Variants in JADE2 observed in about 807,000 individuals in gnomAD.
The protein encoded by JADE2 is jade family PHD finger 2, also known as E3 ubiquitin-protein ligase Jade-2.
In JADE2, 13 loss-of-function variants were observed where a neutral mutation model predicts 85.7. That is an observed-to-expected ratio of 0.15 (90% CI 0.10 to 0.24). The LOEUF is 0.24. Ranked by LOEUF, JADE2 falls within the 10% of genes least tolerant of loss-of-function variation. The probability of loss-of-function intolerance (pLI) is 1.00; values close to 1 mark genes in which losing one functional copy is unlikely to be tolerated. For synonymous variants in JADE2, 440 were observed against 456.1 expected (o/e 0.96, Z 0.45); for missense variants, 846 against 1,115.9 (o/e 0.76, Z 3.45).
At chr5:134,569,774 G>C (rs1264666374) in intron 9 of JADE2, among the ~76,000 whole-genome samples, 1 of 152,162 alleles carries the variant, frequency 6.6e-6, no homozygotes, top group African/African-American at 2.4e-5. Flanking sequence ...GTGCCTGGAT[G>C]GTGGTCCCTT....
chr5:134,526,334 G>A (rs1038747048), intron 1 of JADE2: 3 of 985,024 alleles, frequency 3.0e-6, no homozygotes, highest in African/African-American at 3.5e-5. Flanking sequence ...AAGCGCCCCC[G>A]GGCCGGCGAG....
intron 3 of JADE2, among the ~76,000 whole-genome samples, chr5:134,539,964 T>C (rs1761870068): frequency 6.6e-6 from 1 of 151,990 alleles, no homozygotes; most frequent in Non-Finnish European, 1.5e-5. Flanking sequence ...CTGACTTCCA[T>C]GGCCCCATGG....
chr5:134,569,433 C>T (rs777787162), intron 9 of JADE2, among the ~76,000 whole-genome samples: 2 of 152,248 alleles, frequency 1.3e-5, no homozygotes, highest in African/African-American at 2.4e-5. Context: ...AAATTTCAGC[C>T]TTGGGCCTCG....
chr5:134,540,336 A>T (rs1761893140), intron 3 of JADE2, among the ~76,000 whole-genome samples: 1 of 150,820 alleles, frequency 6.6e-6, no homozygotes, highest in South Asian at 2.1e-4. Flanking sequence ...CTCCCATCTC[A>T]GCTTCCCGAG....
chr5:134,525,499 G>A (rs1483894761), upstream of JADE2, among the ~76,000 whole-genome samples: 2 of 151,992 alleles, frequency 1.3e-5, no homozygotes, highest in Non-Finnish European at 2.9e-5. Flanking sequence ...CAACTGGGCG[G>A]GGGGTTGGGG....
upstream of JADE2, among the ~76,000 whole-genome samples, chr5:134,525,001 G>C (rs545254175): frequency 1.3e-5 from 2 of 152,124 alleles, no homozygotes; most frequent in East Asian, 3.9e-4. Context: ...TCCAGCGCTG[G>C]AGCCCCGGGG....
At chr5:134,574,003 C>T in intron 10 of JADE2, 1 of 594,818 alleles carries the variant, frequency 1.7e-6, no homozygotes, top group Non-Finnish European at 3.0e-6. Context: ...CAGGCCTGCC[C>T]TCAGGGAGCT....
In JADE2 at chr5:134,562,965, A is replaced by T. The variant is rs1463503414; in HGVS notation, c.852+598A>T. 6.6e-6 allele frequency among the ~76,000 whole-genome samples: 1 copy of T among 152,304 alleles called. No individual in the cohort carries two copies. Among genetic ancestry groups the T allele is most frequent in the Middle Eastern group, 3.4e-3 (1 of 294 alleles). On this transcript the variant is annotated intron_variant, in intron 7 of 11. Transcript: ENST00000681547. The surrounding 1 kb of genome is among the most constrained non-coding windows in gnomAD (Gnocchi z 4.6). ...GGACAGAAGTCAGGCAGCTGACTAG[A>T]GGGGAAAGCAGGTTGTGGGGTCCAT...
rs370183252 is a variant in JADE2, at chr5:134,531,722, A to C, written c.1-4136A>C. On this transcript the variant is annotated intron_variant, in intron 1 of 11. Transcript: ENST00000681547. ...CTCAGCCTCCAGAGTAGCTGAGATT[A>C]CAGGCTTCCGCCACTAAGCCTGGCT... Among the ~76,000 whole-genome samples, 26 of 151,778 alleles carry C rather than the reference A, an allele frequency of 1.7e-4. No homozygotes were observed. In the South Asian group the frequency reaches 4.8e-3, roughly 28 times the overall value.
At chr5:134,561,575 G>C (rs894300219) in intron 6 of JADE2, among the ~76,000 whole-genome samples, 1 of 152,152 alleles carries the variant, frequency 6.6e-6, no homozygotes, top group African/African-American at 2.4e-5. Flanking sequence ...CTTGACTGCA[G>C]ACCTGACTGG....
Position 134,578,416 on chromosome 5 carries a change from C to A in JADE2, c.1682-78C>A. 1 of 1,077,918 alleles carries A rather than the reference C, an allele frequency of 9.3e-7. No homozygotes were observed. Among genetic ancestry groups the A allele is most frequent in the Non-Finnish European group, 1.4e-6 (1 of 731,142 alleles). 66.8% of individuals were successfully genotyped at this position (1,077,918 alleles called of 1,614,324 possible). On this transcript the variant is annotated intron_variant, in intron 11 of 11. Coordinates refer to ENST00000681547, the MANE Select transcript of JADE2 (RefSeq NM_001388185.1). This position sits in a 1 kb window ranked among gnomAD's most constrained non-coding sequence, Gnocchi z 4.4. Reference sequence around the variant, plus strand: ...AGAGAAGACGATGCCTGGTGGTGTGCTGGGAGCGTCAGTGGGCTTCCTGAA... The same window carrying A: ...AGAGAAGACGATGCCTGGTGGTGTGATGGGAGCGTCAGTGGGCTTCCTGAA...
At chr5:134,568,681 G>T (rs1763800357) in intron 9 of JADE2, among the ~76,000 whole-genome samples, 1 of 152,222 alleles carries the variant, frequency 6.6e-6, no homozygotes. Context: ...TTCAATGAGG[G>T]CAGGGGCATG....
chr5:134,539,631 C>T (rs1017871591), intron 3 of JADE2, among the ~76,000 whole-genome samples: 2 of 152,256 alleles, frequency 1.3e-5, no homozygotes, highest in Non-Finnish European at 2.9e-5. Flanking sequence ...AAGTGAGGAT[C>T]GCAAGGTCAT....
Position 134,564,478 on chromosome 5 carries a change from C to G in JADE2, c.853-16C>G. ...GGGGATGAGAGGAATGATGCAGCCC[C>G]CTGTGTCCTGCCCAGGTCAGCATCG... On this transcript the variant is annotated splice_polypyrimidine_tract_variant and intron_variant, in intron 7 of 11. Transcript: ENST00000681547. 6.5e-7 allele frequency: 1 copy of G among 1,549,326 alleles called. No homozygotes were observed. The highest frequency in any genetic ancestry group is 8.8e-7 in the Non-Finnish European group (1 of 1,139,520).
rs751064464 is a variant in JADE2, at chr5:134,578,817, C to T, written c.2005C>T (p.Pro669Ser). 2 of 1,613,782 alleles carry T rather than the reference C, an allele frequency of 1.2e-6. No individual in the cohort carries two copies. The change falls in exon 12 of 12, where the codon CCC (proline) becomes TCC (serine). Residue 669 changes from proline to serine, a missense_variant. Transcript: ENST00000681547. The surrounding 1 kb of genome is among the most constrained non-coding windows in gnomAD (Gnocchi z 4.4). ...TTCACGGACGACTCCAGACAAAGCC[C>T]CCAAGAAGACCTGGGGCCAGGATGC... ...PGSRTTPDKA[P>S]KKTWGQDAGS...
intron 4 of JADE2, among the ~76,000 whole-genome samples, chr5:134,555,138 G>A (rs1430118481): frequency 2.0e-5 from 3 of 151,418 alleles, no homozygotes; most frequent in Non-Finnish European, 4.4e-5. Context: ...TGCCACCCCA[G>A]GCCCCCTCTG....
At position 134,582,058 on chromosome 5, in the gene JADE2, C is replaced by T. The variant is rs1481085056; in HGVS notation, c.*2741C>T. The T allele has an allele frequency of 6.6e-6, 1 of 152,252 alleles. No homozygotes were observed. 9.4% of individuals were successfully genotyped at this position (152,252 alleles called of 1,614,324 possible). A position where few individuals can be genotyped will look rare whatever the true frequency, so the allele number is the denominator to read the frequency against. On this transcript the variant is annotated 3_prime_UTR_variant, in exon 12 of 12. Coordinates refer to ENST00000681547, the MANE Select transcript of JADE2 (RefSeq NM_001388185.1). ...TCTCTCAACCACATCTGCCTCCACA[C>T]ACAGCTCCTCCGCAGGGAAGGAGAA...
At chr5:134,540,399 C>CTT (rs568828250) in intron 3 of JADE2, among the ~76,000 whole-genome samples, 4 of 140,882 alleles carry the variant, frequency 2.8e-5, no homozygotes, top group Admixed American at 7.1e-5. Context: ...TTTTTTTTGT[C>CTT]TTTTTTTTTT....
chr5:134,552,108 C>G lies in JADE2; in HGVS notation c.210C>G (p.Ser70Arg). ...AGATCCCGGACTCATACCAGCTCAG[C>G]CCGGATGACTACTACATCCTGGCAG... is the stretch of plus-strand genomic sequence containing the variant. ...AMKIPDSYQL[S>R]PDDYYILADP... Residue 70 changes from serine to arginine, a missense_variant, in exon 4 of 12, where the codon AGC becomes AGG. Coordinates refer to ENST00000681547, the MANE Select transcript of JADE2 (RefSeq NM_001388185.1). 6.2e-7 allele frequency: 1 copy of G among 1,614,204 alleles called. No homozygotes were observed. The highest frequency in any genetic ancestry group is 8.5e-7 in the Non-Finnish European group (1 of 1,180,030).
Sources: allele counts gnomAD v4.1 joint callset (sites outside exome capture counted in the v4.1 genomes callset), GRCh38; gene constraint gnomAD v4.1.1; non-coding constraint Gnocchi (gnomAD v3.1); transcripts MANE v1.5; gene names NCBI Gene and HGNC (gene_info 2026-07-23, HGNC 2026-07-21).